Variants in STARD9 observed in about 807,000 individuals in gnomAD.
STARD9 encodes the protein stAR-related lipid transfer protein 9.
A neutral mutation model predicts 399.8 loss-of-function variants in STARD9; 346 were observed. That is an observed-to-expected ratio of 0.87 (90% CI 0.79 to 0.95). The LOEUF (loss-of-function observed/expected upper bound fraction) is 0.95. Among genes scored for constraint, STARD9 ranks in the 40% least tolerant of loss-of-function variants. The probability of loss-of-function intolerance (pLI) is 0.00; values close to 1 mark genes in which losing one functional copy is unlikely to be tolerated. For synonymous variants in STARD9, 2,203 were observed against 2,143.5 expected, an observed-to-expected ratio of 1.03 and a Z score of -0.77; for missense variants, 5,832 against 5,667.5, an observed-to-expected ratio of 1.03 and a Z score of -0.93.
intron 3 of STARD9, among the ~76,000 whole-genome samples, chr15:42,619,398 C>CA (rs35789811): frequency 2.0e-5 from 3 of 151,570 alleles, no homozygotes; most frequent in Non-Finnish European, 4.4e-5. Flanking sequence ...GACATCTCTA[C>CA]AAAAAATTAA....
chr15:42,699,329 C>CT (rs1320752373), intron 26 of STARD9, among the ~76,000 whole-genome samples: 1 of 151,814 alleles, frequency 6.6e-6, no homozygotes, highest in Admixed American at 6.6e-5. Context: ...TCCTGATCCC[C>CT]TCCCCAGCCT....
At chr15:42,606,800 A>G (rs886952851) in intron 3 of STARD9, among the ~76,000 whole-genome samples, 1 of 151,966 alleles carries the variant, frequency 6.6e-6, no homozygotes, top group African/African-American at 2.4e-5. Context: ...GCTTGTATAC[A>G]TGTACAGTCA....
intron 3 of STARD9, among the ~76,000 whole-genome samples, chr15:42,605,473 C>T (rs1351529921): frequency 6.6e-6 from 1 of 152,154 alleles, no homozygotes; most frequent in Non-Finnish European, 1.5e-5. Flanking sequence ...GAATTGGTTT[C>T]AGGGCAGAAG....
intron 1 of STARD9, among the ~76,000 whole-genome samples, chr15:42,578,103 T>C (rs1053393499): frequency 2.0e-5 from 2 of 99,332 alleles, no homozygotes; most frequent in African/African-American, 7.9e-5. Context: ...GAGTTGACGC[T>C]CAATTTTTTT....
At chr15:42,641,593 ATTTCTTT>A (rs1487030273) in intron 7 of STARD9, among the ~76,000 whole-genome samples, 1 of 130,056 alleles carries the variant, frequency 7.7e-6, no homozygotes, top group African/African-American at 3.4e-5. Context: ...ACAGGTGGAC[ATTTCTTT>A]TTTCTTTTCT....
intron 2 of STARD9, among the ~76,000 whole-genome samples, chr15:42,585,242 G>A (rs192637074): frequency 1.1e-4 from 16 of 152,326 alleles, no homozygotes; most frequent in Non-Finnish European, 1.8e-4. Flanking sequence ...GATGCCCAGA[G>A]CGGGAGAGGC....
Position 42,625,647 on chromosome 15 carries a change from A to ATTTTTTT in STARD9, c.235-9200_235-9194dup, listed in dbSNP as rs11399920. On this transcript the variant is annotated intron_variant, in intron 3 of 32. Transcript: ENST00000290607. Reference sequence around the variant, plus strand: ...GCCTGGCTGCTATTTTCTTCTTCCTATTTTTTTTTTTTTTTAGGTAGATTA... The same window carrying ATTTTTTT: ...GCCTGGCTGCTATTTTCTTCTTCCTATTTTTTTTTTTTTTTTTTTTTTAGGTAGATTA... 1.0e-4 allele frequency among the ~76,000 whole-genome samples: 14 copies of ATTTTTTT among 138,578 alleles called. 2 individuals carry two copies. The East Asian group carries it at 1.7e-3, about 17-fold the overall frequency. 90.9% of individuals were successfully genotyped at this position (138,578 alleles called of 152,430 possible). A position where few individuals can be genotyped will look rare whatever the true frequency, so the allele number is the denominator to read the frequency against.
At chr15:42,610,692 A>G (rs961802885) in intron 3 of STARD9, among the ~76,000 whole-genome samples, 5 of 151,952 alleles carry the variant, frequency 3.3e-5, no homozygotes, top group African/African-American at 7.3e-5. Context: ...GATTACAGGC[A>G]CCCGCCACCA....
intron 26 of STARD9, among the ~76,000 whole-genome samples, chr15:42,713,261 A>G (rs2061284174): frequency 1.3e-5 from 2 of 152,246 alleles, no homozygotes; most frequent in African/African-American, 4.8e-5. Context: ...CAGAAATAAA[A>G]TTGATTTTTA....
chr15:42,592,301 G>C (rs914511360), intron 3 of STARD9, among the ~76,000 whole-genome samples: 1 of 152,110 alleles, frequency 6.6e-6, no homozygotes, highest in Non-Finnish European at 1.5e-5. Flanking sequence ...TGAAGGATAT[G>C]GGAAAAGGAA....
chr15:42,643,606 TCGGCTGAGG>T (rs202031252), intron 7 of STARD9, among the ~76,000 whole-genome samples: 22,577 of 151,968 alleles, frequency 0.15, 4,745 homozygotes, highest in African/African-American at 0.47. Flanking sequence ...TTCTCCTGCC[TCGGCTGAGG>T]CAGCTAGTCC....
chr15:42,613,667 A>G (rs1310874955), intron 3 of STARD9, among the ~76,000 whole-genome samples: 1 of 152,202 alleles, frequency 6.6e-6, no homozygotes, highest in African/African-American at 2.4e-5. Flanking sequence ...CTCTGATACC[A>G]TATCAAGAAT....
At chr15:42,716,905 G>A in intron 27 of STARD9, 22 bp from the exon 28 acceptor site, 12 of 1,537,066 alleles carry the variant, frequency 7.8e-6, no homozygotes, top group Non-Finnish European at 1.0e-5. Context: ...GCTATCACAG[G>A]GCCTCCACCT....
Position 42,691,153 on chromosome 15 carries a change from A to G in STARD9, c.9575A>G (p.Lys3192Arg). The G allele has an allele frequency of 1.3e-6, 2 of 1,537,280 alleles. No individual in the cohort carries two copies. Among genetic ancestry groups the G allele is most frequent in the Non-Finnish European group, 1.7e-6 (2 of 1,146,910 alleles). Reference sequence around the variant, plus strand: ...CACAATCGCTTGGATTCCCAAGCCAAGTTTGTAGCAAGGTTAAAACATACC... The same window carrying G: ...CACAATCGCTTGGATTCCCAAGCCAGGTTTGTAGCAAGGTTAAAACATACC... ...RDHNRLDSQAKFVARLKHTCS... is the reference protein window; with the variant it reads ...RDHNRLDSQARFVARLKHTCS... The change falls in exon 23 of 33, where the codon AAG becomes AGG. Residue 3192 changes from lysine (K) to arginine (R), a missense_variant. Transcript: ENST00000290607.
In STARD9 at chr15:42,690,771, G is replaced by C; in HGVS notation, c.9193G>C (p.Val3065Leu). 1 of 1,537,266 alleles carries C rather than the reference G, an allele frequency of 6.5e-7. No individual in the cohort carries two copies. The highest frequency in any genetic ancestry group is 1.2e-5 in the South Asian group (1 of 84,054). The change falls in exon 23 of 33, where the codon GTG becomes CTG. Residue 3065 changes from valine to leucine, a missense_variant. By Grantham distance (32) the Val-to-Leu change is conservative. Coordinates refer to ENST00000290607, the MANE Select transcript of STARD9 (RefSeq NM_020759.3). ...QGCRSPSAPD[V>L]RTGSFSHSAT... ...CTGCAGATCCCCTTCTGCTCCTGACGTGAGGACAGGTTCCTTCAGCCACTC... is the reference window on the plus strand; with the variant it reads ...CTGCAGATCCCCTTCTGCTCCTGACCTGAGGACAGGTTCCTTCAGCCACTC...
At chr15:42,583,531 A>G (rs1595578324) in intron 2 of STARD9, 116 bp downstream of exon 2, 1 of 674,968 alleles carries the variant, frequency 1.5e-6, no homozygotes, top group East Asian at 2.8e-5. Flanking sequence ...GAAGGGGTAT[A>G]TAAGAGGAAT....
At chr15:42,710,407 G>A (rs1356211643) in intron 26 of STARD9, among the ~76,000 whole-genome samples, 1 of 151,850 alleles carries the variant, frequency 6.6e-6, no homozygotes, top group Non-Finnish European at 1.5e-5. Flanking sequence ...TAATCCATTG[G>A]CTTTAGTATA....
rs1032595985 is a variant in STARD9 at position 42,583,412 on chromosome 15, A to G, written c.114A>G (p.Leu38=). 1.3e-6 allele frequency: 2 copies of G among 1,535,526 alleles called. No individual in the cohort carries two copies. The highest frequency in any genetic ancestry group is 3.9e-5 in the Admixed American group (2 of 50,946). ...GCAAAGTGGCAAAAATCAGGAATTT[A>G]AAGGTAAGCCTGAAATTGTTTTTCA... The part of the protein sequence containing the change: ...VDGKVAKIRN[L]KVDNRPDGFG... Residue 38 remains leucine, a synonymous_variant, in exon 2 of 33, where the codon TTA becomes TTG. Coordinates refer to ENST00000290607, the MANE Select transcript of STARD9 (RefSeq NM_020759.3).
chr15:42,696,281 C>A (rs1270944143), intron 26 of STARD9, among the ~76,000 whole-genome samples: 1 of 152,190 alleles, frequency 6.6e-6, no homozygotes, highest in Non-Finnish European at 1.5e-5. Flanking sequence ...ATACTCCGAA[C>A]AGAATGTGTT....
Sources: gnomAD v4.1 joint callset for allele counts (sites outside exome capture counted in the v4.1 genomes callset) on GRCh38, gnomAD v4.1.1 for gene constraint, MANE v1.5 for transcripts, NCBI Gene and HGNC (gene_info 2026-07-23, HGNC 2026-07-21) for gene names.